GLCCI1: variants seen among roughly 807,000 people sequenced by gnomAD.
GLCCI1 encodes the protein glucocorticoid-induced transcript 1 protein.
A neutral mutation model predicts 52.2 loss-of-function variants in GLCCI1; 24 were observed. The observed-to-expected ratio is 0.46, with a 90% confidence interval of 0.33 to 0.65. GLCCI1 has a LOEUF of 0.65. Ranked by LOEUF, GLCCI1 falls within the 30% of genes least tolerant of loss-of-function variation. The pLI is 0.02. For missense variants in GLCCI1, 704 were observed against 701.5 expected, an observed-to-expected ratio of 1.00 and a Z score of -0.04; for synonymous variants, 310 against 276.5, an observed-to-expected ratio of 1.12 and a Z score of -1.20.
chr7:8,033,107 T>G (rs917297597), intron 3 of GLCCI1, among the ~76,000 whole-genome samples: 9 of 151,740 alleles, frequency 5.9e-5, no homozygotes, highest in African/African-American at 1.9e-4. Flanking sequence ...CATCAGAAAA[T>G]TAGTTAATGG....
intron 1 of GLCCI1, among the ~76,000 whole-genome samples, chr7:7,989,349 T>C (rs1780795938): frequency 6.6e-6 from 1 of 152,122 alleles, no homozygotes; most frequent in Admixed American, 6.5e-5. Context: ...TGGCAGTGCA[T>C]CTGTCAATGC....
At chr7:8,076,312 T>C (rs1383846843) in intron 6 of GLCCI1, among the ~76,000 whole-genome samples, 1 of 152,222 alleles carries the variant, frequency 6.6e-6, no homozygotes, top group East Asian at 1.9e-4. Flanking sequence ...CAAAATATTC[T>C]CTTTATATGG....
chr7:8,014,500 A>G (rs764337363), intron 2 of GLCCI1, among the ~76,000 whole-genome samples: 1 of 152,148 alleles, frequency 6.6e-6, no homozygotes, highest in Middle Eastern at 3.2e-3. Context: ...TGTTAATTCT[A>G]TATTTGTTTA....
At chr7:8,029,311 A>T (rs910359653) in intron 3 of GLCCI1, among the ~76,000 whole-genome samples, 1 of 152,194 alleles carries the variant, frequency 6.6e-6, no homozygotes, top group Non-Finnish European at 1.5e-5. Flanking sequence ...ACTCAAATCA[A>T]TGTGATGCAT....
chr7:8,000,577 C>CA (rs1781032609), intron 1 of GLCCI1, among the ~76,000 whole-genome samples: 1 of 151,578 alleles, frequency 6.6e-6, no homozygotes, highest in African/African-American at 2.4e-5. Context: ...ATGTTTTTTT[C>CA]AAAAAGTATA....
chr7:8,077,102 G>A (rs1782890623), intron 6 of GLCCI1, among the ~76,000 whole-genome samples: 1 of 152,172 alleles, frequency 6.6e-6, no homozygotes, highest in Non-Finnish European at 1.5e-5. Flanking sequence ...GGAAGTAACT[G>A]CTAAAACTGT....
rs1391552381 is a variant in GLCCI1, at chr7:8,088,749, CATGAG to C, written c.*2214_*2218del. On this transcript the variant is annotated 3_prime_UTR_variant, in exon 8 of 8. Transcript: ENST00000223145. The stretch of plus-strand genomic sequence containing the variant: ...TTATAGTGATGTGCTTTTATTTTCT[CATGAG>C]ATACTAAATATTAATTGTGTTGTAC... The C allele has an allele frequency of 6.6e-6, 1 of 152,610 alleles. No individual in the cohort carries two copies. Among genetic ancestry groups the C allele is most frequent in the Non-Finnish European group, 1.5e-5 (1 of 68,016 alleles). 9.5% of individuals were successfully genotyped at this position (152,610 alleles called of 1,614,324 possible).
chr7:8,006,081 C>T lies in GLCCI1; in HGVS notation c.609+2022C>T, dbSNP rs545983356. On this transcript the variant is annotated intron_variant, in intron 2 of 7. Transcript: ENST00000223145. The stretch of plus-strand genomic sequence containing the variant: ...CCAAAGTGCTGAGATTACAGGCATG[C>T]GCCACCACTCCTGGCCCAGAAATAT... 1.7e-3 allele frequency among the ~76,000 whole-genome samples: 258 copies of T among 152,222 alleles called. 2 individuals are homozygous for T. The highest frequency in any genetic ancestry group is 3.3e-3 in the Non-Finnish European group (225 of 68,000).
At chr7:7,986,192 C>T (rs1028524509) in intron 1 of GLCCI1, among the ~76,000 whole-genome samples, 3 of 152,120 alleles carry the variant, frequency 2.0e-5, no homozygotes, top group Admixed American at 1.3e-4. Context: ...TACAGGAATT[C>T]GTATTCAATT....
chr7:8,074,940 G>A (rs904103207), intron 6 of GLCCI1, among the ~76,000 whole-genome samples: 1 of 152,134 alleles, frequency 6.6e-6, no homozygotes, highest in Non-Finnish European at 1.5e-5. Flanking sequence ...GTAGGAGCCT[G>A]GATAGACATG....
intron 3 of GLCCI1, among the ~76,000 whole-genome samples, chr7:8,025,818 GAAAA>G (rs1266753564): frequency 6.6e-6 from 1 of 151,810 alleles, no homozygotes; most frequent in East Asian, 1.9e-4. Context: ...AGTGCTGAAA[GAAAA>G]AAAACCAAAA....
intron 1 of GLCCI1, among the ~76,000 whole-genome samples, chr7:7,977,875 G>A (rs1266723831): frequency 6.6e-6 from 1 of 152,210 alleles, no homozygotes; most frequent in East Asian, 1.9e-4. Flanking sequence ...CATGCACAGG[G>A]CTCTTGTAAT....
intron 3 of GLCCI1, among the ~76,000 whole-genome samples, chr7:8,026,695 G>T (rs1029985803): frequency 6.6e-6 from 1 of 152,360 alleles, no homozygotes; most frequent in East Asian, 1.9e-4. Context: ...AGCCATGCTG[G>T]CCTCAGCCAG....
chr7:8,077,607 A>C (rs1782901680), intron 6 of GLCCI1, among the ~76,000 whole-genome samples: 1 of 149,830 alleles, frequency 6.7e-6, no homozygotes, highest in Non-Finnish European at 1.5e-5. Flanking sequence ...TGCCTCATAG[A>C]ATTGTTATGA....
chr7:7,978,168 T>G (rs1394184448), intron 1 of GLCCI1, among the ~76,000 whole-genome samples: 1 of 152,308 alleles, frequency 6.6e-6, no homozygotes, highest in South Asian at 2.1e-4. Context: ...AGACAGAATT[T>G]AGCATTTTAT....
At chr7:8,059,906 CTA>C (rs568025211) in intron 4 of GLCCI1, among the ~76,000 whole-genome samples, 188 bp from the exon 5 acceptor site, 7 of 152,262 alleles carry the variant, frequency 4.6e-5, no homozygotes, top group African/African-American at 1.7e-4. Flanking sequence ...ATTATTTTGA[CTA>C]TGTAATTTTC....
intron 5 of GLCCI1, among the ~76,000 whole-genome samples, chr7:8,068,932 T>C (rs977994797): frequency 6.6e-6 from 1 of 152,248 alleles, no homozygotes; most frequent in Non-Finnish European, 1.5e-5. Context: ...TGCACTCTGA[T>C]TGAAGTTTGA....
intron 3 of GLCCI1, among the ~76,000 whole-genome samples, chr7:8,051,790 G>A (rs1292519002): frequency 6.6e-6 from 1 of 152,176 alleles, no homozygotes; most frequent in African/African-American, 2.4e-5. Flanking sequence ...CTAAGTACCT[G>A]TTCAAGTCTT....
At chr7:8,071,785 C>G (rs888714257) in intron 6 of GLCCI1, among the ~76,000 whole-genome samples, 1 of 152,162 alleles carries the variant, frequency 6.6e-6, no homozygotes, top group Non-Finnish European at 1.5e-5. Flanking sequence ...GCCATATAGA[C>G]TGCCCAGCTT....
Sources: allele counts gnomAD v4.1 joint callset (sites outside exome capture counted in the v4.1 genomes callset), GRCh38; gene constraint gnomAD v4.1.1; transcripts MANE v1.5; gene names NCBI Gene and HGNC (gene_info 2026-07-23, HGNC 2026-07-21).